The following PSMD14 variants were observed in gnomAD, a reference collection of about 807,000 sequenced individuals.
The protein encoded by PSMD14 is ubiquitin C-terminal hydrolase PSMD14.
PSMD14 carries 7 observed loss-of-function variants against 41.2 expected under a neutral mutation model. The observed-to-expected ratio is 0.17, with a 90% CI of 0.10 to 0.32. The LOEUF is 0.32. PSMD14 is among the 10% of genes least tolerant of loss of function. PSMD14 has a pLI of 1.00. For synonymous variants in PSMD14, 114 were observed against 122.3 expected (o/e 0.93, Z 0.45); for missense variants, 139 against 375.6 (o/e 0.37, Z 5.21).
chr2:161,335,264 C>T (rs776761667), intron 3 of PSMD14, among the ~76,000 whole-genome samples: 2 of 152,148 alleles, frequency 1.3e-5, no homozygotes, highest in Non-Finnish European at 2.9e-5. Context: ...TTCTTTATGT[C>T]CTTCCAAAGA....
At chr2:161,335,719 A>G (rs1250058999) in intron 3 of PSMD14, among the ~76,000 whole-genome samples, 1 of 152,232 alleles carries the variant, frequency 6.6e-6, no homozygotes, top group Non-Finnish European at 1.5e-5. Flanking sequence ...GCATTTTCCC[A>G]GAGGATAAAT....
At chr2:161,404,496 T>C (rs1683923749) in intron 10 of PSMD14, among the ~76,000 whole-genome samples, 1 of 152,164 alleles carries the variant, frequency 6.6e-6, no homozygotes, top group South Asian at 2.1e-4. Context: ...AATCTTCAAC[T>C]GTTCTCTATC....
intron 3 of PSMD14, among the ~76,000 whole-genome samples, chr2:161,331,357 G>T (rs368709958): frequency 2.6e-5 from 4 of 152,122 alleles, no homozygotes; most frequent in South Asian, 2.1e-4. Flanking sequence ...CCGCCTCCCA[G>T]GTTCAAGCGG....
At chr2:161,403,315 A>T (rs1489887827) in intron 10 of PSMD14, among the ~76,000 whole-genome samples, 1 of 152,180 alleles carries the variant, frequency 6.6e-6, no homozygotes, top group Admixed American at 6.5e-5. Flanking sequence ...ATATGATTCA[A>T]TTTATATGAA....
At chr2:161,334,503 G>A (rs1357309152) in intron 3 of PSMD14, among the ~76,000 whole-genome samples, 1 of 152,156 alleles carries the variant, frequency 6.6e-6, no homozygotes, top group Non-Finnish European at 1.5e-5. Flanking sequence ...AGGAAATTGA[G>A]GCATGTAGAA....
At chr2:161,403,923 T>A (rs1040738290) in intron 10 of PSMD14, among the ~76,000 whole-genome samples, 2 of 151,836 alleles carry the variant, frequency 1.3e-5, no homozygotes, top group African/African-American at 4.8e-5. Context: ...TTTTTTTTTT[T>A]AAGGGACCAG....
At chr2:161,309,602 G>A (rs1689065997) in intron 1 of PSMD14, among the ~76,000 whole-genome samples, 1 of 152,164 alleles carries the variant, frequency 6.6e-6, no homozygotes, top group Non-Finnish European at 1.5e-5. Flanking sequence ...TGTCACGTAA[G>A]GCTACCTACC....
chr2:161,400,223 T>A (rs1683857465), intron 10 of PSMD14, among the ~76,000 whole-genome samples: 1 of 152,236 alleles, frequency 6.6e-6, no homozygotes, highest in Non-Finnish European at 1.5e-5. Flanking sequence ...CCAGGTTCCT[T>A]CTATCTCTCT....
intron 1 of PSMD14, among the ~76,000 whole-genome samples, chr2:161,315,470 A>G (rs1438363642): frequency 6.6e-6 from 1 of 152,190 alleles, no homozygotes; most frequent in Non-Finnish European, 1.5e-5. Context: ...TAACTGTGCT[A>G]AATGAAAACT....
At chr2:161,351,991 C>T (rs1256657371) in intron 3 of PSMD14, among the ~76,000 whole-genome samples, 1 of 152,168 alleles carries the variant, frequency 6.6e-6, no homozygotes, top group Non-Finnish European at 1.5e-5. Flanking sequence ...ATTAGTCTCT[C>T]TACTTCATAT....
intron 3 of PSMD14, among the ~76,000 whole-genome samples, chr2:161,353,583 A>G (rs1424433856): frequency 1.3e-5 from 2 of 152,204 alleles, no homozygotes; most frequent in Admixed American, 1.3e-4. Flanking sequence ...CTTACTTGGA[A>G]AAGGTCTATG....
chr2:161,343,768 C>T (rs1241936796), intron 3 of PSMD14, among the ~76,000 whole-genome samples: 3 of 151,630 alleles, frequency 2.0e-5, no homozygotes, highest in Non-Finnish European at 4.4e-5. Context: ...GTGGGGGTTG[C>T]AGTGAGCCAA....
chr2:161,380,862 C>T (rs940410502), intron 7 of PSMD14, among the ~76,000 whole-genome samples: 3 of 151,924 alleles, frequency 2.0e-5, no homozygotes, highest in Non-Finnish European at 2.9e-5. Context: ...GCAGAAGTAA[C>T]GAAATGGTCA....
intron 3 of PSMD14, among the ~76,000 whole-genome samples, chr2:161,335,218 C>G (rs1332562813): frequency 1.3e-5 from 2 of 152,228 alleles, no homozygotes; most frequent in African/African-American, 2.4e-5. Flanking sequence ...CCTGTTGTCT[C>G]TGTTCCCTTC....
chr2:161,408,771 G>A, intron 10 of PSMD14, 66 bp from the exon 11 acceptor site: 1 of 1,229,088 alleles, frequency 8.1e-7, no homozygotes, highest in Non-Finnish European at 1.2e-6. Context: ...TATTTTTGGT[G>A]ATTATCCTGC....
At chr2:161,395,280 A>T (rs1321718591) in intron 10 of PSMD14, 77 bp downstream of exon 10, 10 of 1,273,144 alleles carry the variant, frequency 7.9e-6, no homozygotes, top group Non-Finnish European at 1.1e-5. Flanking sequence ...TGTGTAAGTA[A>T]TTAAAAATAG....
intron 10 of PSMD14, among the ~76,000 whole-genome samples, chr2:161,401,327 A>G (rs1272576983): frequency 6.6e-6 from 1 of 152,256 alleles, no homozygotes; most frequent in Non-Finnish European, 1.5e-5. Context: ...GAGGAGAGTC[A>G]AAGTGACATA....
chr2:161,364,023 C>T (rs1004792269), intron 3 of PSMD14, among the ~76,000 whole-genome samples: 1 of 152,194 alleles, frequency 6.6e-6, no homozygotes, highest in Admixed American at 6.5e-5. Context: ...AATCAGATCA[C>T]ACGTGGGCTT....
chr2:161,351,569 A>C (rs1386851234), intron 3 of PSMD14, among the ~76,000 whole-genome samples: 1 of 152,168 alleles, frequency 6.6e-6, no homozygotes, highest in Non-Finnish European at 1.5e-5. Context: ...CTTTCTTTCT[A>C]GACTGCTTAA....
Sources: gnomAD v4.1 joint callset for allele counts (sites outside exome capture counted in the v4.1 genomes callset) on GRCh38, gnomAD v4.1.1 for gene constraint, MANE v1.5 for transcripts, NCBI Gene and HGNC (gene_info 2026-07-23, HGNC 2026-07-21) for gene names.